Variants in SIGLEC11 observed in about 807,000 individuals in gnomAD.
The protein encoded by SIGLEC11 is sialic acid binding Ig like lectin 11, also known as sialic acid-binding Ig-like lectin 11.
A neutral mutation model predicts 61.2 loss-of-function variants in SIGLEC11; 47 were observed. The observed-to-expected ratio is 0.77, with a 90% CI of 0.61 to 0.98. The LOEUF (loss-of-function observed/expected upper bound fraction) is 0.98, where lower values mean the gene tolerates loss of function less well. Ranked by LOEUF, SIGLEC11 falls within the 50% of genes least tolerant of loss-of-function variation. The pLI, the probability that SIGLEC11 is intolerant of heterozygous loss-of-function variation, is 0.00. For missense variants in SIGLEC11, 610 were observed against 870.3 expected (o/e 0.70, Z 3.76); for synonymous variants, 278 against 373.1 (o/e 0.75, Z 2.94).
intron 8 of SIGLEC11, among the ~76,000 whole-genome samples, chr19:49,954,102 A>T (rs1310823779): frequency 6.6e-6 from 1 of 152,144 alleles, no homozygotes; most frequent in Non-Finnish European, 1.5e-5. Context: ...CACAGACAAG[A>T]CTAACCTGGA....
In SIGLEC11 at chr19:49,960,754, C is replaced by T. The variant is rs1456010305; in HGVS notation, c.258G>A (p.Val86=). ...CCTCTCGACTCTGGTTGTTAGTGGC[C>T]ACAGGAGCACCCGTCTTTGGGCTGG... ...GRTSPKTGAP[V]ATNNQSREVE... Residue 86 remains valine (V), a synonymous_variant, in exon 2 of 11, where the codon GTG becomes GTA. Transcript: ENST00000447370. 2 of 1,613,502 alleles carry T rather than the reference C, an allele frequency of 1.2e-6. No individual in the cohort carries two copies. Among genetic ancestry groups the T allele is most frequent in the Non-Finnish European group, 8.5e-7 (1 of 1,180,006 alleles).
At position 49,958,454 on chromosome 19, in the gene SIGLEC11, G is replaced by A. The variant is rs749897827; in HGVS notation, c.1480C>T (p.Leu494=). Residue 494 remains leucine, a synonymous_variant, in exon 8 of 11, where the codon CTG becomes TTG. Coordinates refer to ENST00000447370, the MANE Select transcript of SIGLEC11 (RefSeq NM_052884.3). ...GAGCCCTGACTGCTGTTCCCCTCCA[G>A]CAGCTCCTCCCCAAGCCACCAGCGC... ...SLRWWLGEEL[L]EGNSSQGSFE... The A allele has an allele frequency of 4.3e-6, 7 of 1,613,192 alleles. No homozygotes were observed. The highest frequency in any genetic ancestry group is 1.7e-5 in the Admixed American group (1 of 59,900).
At chr19:49,959,180 A>T in intron 5 of SIGLEC11, 103 bp from the exon 6 acceptor site, 1 of 1,563,016 alleles carries the variant, frequency 6.4e-7, no homozygotes, top group Admixed American at 1.8e-5. Flanking sequence ...GTGGGATAGA[A>T]GGGCAGGGCA....
At chr19:49,952,200 ACCCACTGC>A (rs2076162919) in intron 9 of SIGLEC11, 90 bp downstream of exon 9, 1 of 1,299,256 alleles carries the variant, frequency 7.7e-7, no homozygotes, top group African/African-American at 1.5e-5. Context: ...TAGTTCTCAC[ACCCACTGC>A]CCCATCTAGA....
intron 8 of SIGLEC11, 114 bp from the exon 9 acceptor site, chr19:49,952,508 T>C (rs2076165647): frequency 1.5e-6 from 1 of 664,152 alleles, no homozygotes; most frequent in African/African-American, 1.8e-5. Context: ...GGCAGAAATT[T>C]AAAAATAAAT....
intron 8 of SIGLEC11, among the ~76,000 whole-genome samples, chr19:49,957,355 C>T (rs886659037): frequency 2.0e-5 from 3 of 151,862 alleles, no homozygotes; most frequent in African/African-American, 4.8e-5. Flanking sequence ...CATTCATTCA[C>T]TCCCAAAAAA....
chr19:49,960,609 T>C lies in SIGLEC11; in HGVS notation c.403A>G (p.Arg135Gly), dbSNP rs756244414. The C allele has an allele frequency of 1.4e-5, 23 of 1,599,868 alleles. No homozygotes were observed. The highest frequency in any genetic ancestry group is 1.8e-5 in the Non-Finnish European group (21 of 1,178,948). ...AAACTATGTCTCACACGGCTTCCTC[T>C]CTCCACCCGAAAGAAGTACCATGCC... is the stretch of plus-strand genomic sequence containing the variant. ...DEAWYFFRVERGSRVRHSFLS... is the reference protein window; with the variant it reads ...DEAWYFFRVEGGSRVRHSFLS... Residue 135 changes from arginine to glycine, a missense_variant, in exon 2 of 11, where the codon AGA (arginine) becomes GGA (glycine). Transcript: ENST00000447370.
Position 49,958,651 on chromosome 19 carries a change from G to C in SIGLEC11, c.1355C>G (p.Ser452Cys). The change falls in exon 7 of 11, where the codon TCC becomes TGC. Residue 452 changes from serine (S) to cysteine (C), a missense_variant. Coordinates refer to ENST00000447370, the MANE Select transcript of SIGLEC11 (RefSeq NM_052884.3). Reference sequence around the variant, plus strand: ...CCCTTTCCCCCACTCACAGTGCACGGAGAGGCTGAGAGAGACGTGCTGGGA... The same window carrying C: ...CCCTTTCCCCCACTCACAGTGCACGCAGAGGCTGAGAGAGACGTGCTGGGA... ...LGSQHVSLSLSVHYPPQLLGP... is the reference protein window; with the variant it reads ...LGSQHVSLSLCVHYPPQLLGP... 1 of 1,596,286 alleles carries C rather than the reference G, an allele frequency of 6.3e-7. No homozygotes were observed. Among genetic ancestry groups the C allele is most frequent in the Non-Finnish European group, 8.5e-7 (1 of 1,171,516 alleles).
In SIGLEC11 at chr19:49,951,192, G is replaced by A. The variant is rs988993443; in HGVS notation, c.1830+699C>T. On this transcript the variant is annotated intron_variant, in intron 10 of 10. Coordinates refer to ENST00000447370, the MANE Select transcript of SIGLEC11 (RefSeq NM_052884.3). The surrounding 1 kb of genome is among the most constrained non-coding windows in gnomAD (Gnocchi z 4.6). ...GCGTGACCCACCCCCAGTGAACCCT[G>A]GACCCAGGTTTGGTGGAGCTTCCCA... Among the ~76,000 whole-genome samples the A allele has an allele frequency of 6.6e-6, 1 of 152,176 alleles. No individual in the cohort carries two copies. Among genetic ancestry groups the A allele is most frequent in the African/African-American group, 2.4e-5 (1 of 41,448 alleles).
chr19:49,955,694 G>A lies in SIGLEC11; in HGVS notation c.1651+2589C>T, dbSNP rs1018856683. On this transcript the variant is annotated intron_variant, in intron 8 of 10. Coordinates refer to ENST00000447370, the MANE Select transcript of SIGLEC11 (RefSeq NM_052884.3). The surrounding 1 kb of genome is among the most constrained non-coding windows in gnomAD (Gnocchi z 4.5). The stretch of plus-strand genomic sequence containing the variant: ...TCACACCTGTAATCCCAGCACTTTG[G>A]GAGGCCGAGGTGGACAGATCACAGG... Among the ~76,000 whole-genome samples the A allele has an allele frequency of 2.6e-5, 4 of 152,168 alleles. No individual in the cohort carries two copies. Among genetic ancestry groups the A allele is most frequent in the Non-Finnish European group, 5.9e-5 (4 of 68,038 alleles).
At chr19:49,953,087 C>G (rs1194407733) in intron 8 of SIGLEC11, among the ~76,000 whole-genome samples, 1 of 152,220 alleles carries the variant, frequency 6.6e-6, no homozygotes, top group Admixed American at 6.5e-5. Context: ...GGTAGGTTTA[C>G]TGCCTCCTTT....
intron 8 of SIGLEC11, 30 bp from the exon 9 acceptor site, chr19:49,952,424 C>G (rs1196184052): frequency 1.3e-6 from 2 of 1,567,700 alleles, no homozygotes; most frequent in African/African-American, 1.3e-5. Flanking sequence ...GGGGTGGTGC[C>G]CTCCTGGCCC....
chr19:49,958,247 T>G (rs1251736219), intron 8 of SIGLEC11, 36 bp downstream of exon 8: 2 of 1,604,442 alleles, frequency 1.2e-6, no homozygotes, highest in African/African-American at 2.7e-5. Context: ...CCTGTCTCCT[T>G]TCTCCCTGAA....
chr19:49,956,450 T>C (rs1049042879), intron 8 of SIGLEC11, among the ~76,000 whole-genome samples: 1 of 152,184 alleles, frequency 6.6e-6, no homozygotes, highest in African/African-American at 2.4e-5. Flanking sequence ...CTAGTCTTTG[T>C]TGGATCTGTA....
intron 8 of SIGLEC11, among the ~76,000 whole-genome samples, chr19:49,956,883 G>GA (rs57825504): frequency 3.2e-4 from 46 of 145,880 alleles, no homozygotes; most frequent in Middle Eastern, 3.5e-3. Flanking sequence ...TCCTAGCCCA[G>GA]AAAAAAAAAA....
chr19:49,952,362 C>G lies in SIGLEC11; in HGVS notation c.1684G>C (p.Gly562Arg). The change falls in exon 9 of 11, where the codon GGG becomes CGG. Residue 562 changes from glycine (G) to arginine (R), a missense_variant. Gly to Arg is a moderately radical substitution (Grantham distance 125). Transcript: ENST00000447370. ...KLEHGGGLGL[G>R]AALGAGVAAL... ...GCGACGCCAGCTCCCAGGGCAGCCCCCAGGCCAAGTCCTCCCCCATGCTCC... is the reference window on the plus strand; with the variant it reads ...GCGACGCCAGCTCCCAGGGCAGCCCGCAGGCCAAGTCCTCCCCCATGCTCC... The G allele has an allele frequency of 6.2e-7, 1 of 1,609,180 alleles. No homozygotes were observed.
intron 8 of SIGLEC11, among the ~76,000 whole-genome samples, chr19:49,956,058 C>T (rs536224644): frequency 2.6e-5 from 4 of 152,272 alleles, no homozygotes; most frequent in East Asian, 3.9e-4. Context: ...AAAACATTGT[C>T]GGCAGCCTAG....
Position 49,958,326 on chromosome 19 carries a change from G to A in SIGLEC11, c.1608C>T (p.Asn536=), listed in dbSNP as rs1187208442. The A allele has an allele frequency of 2.0e-5, 33 of 1,614,108 alleles. No homozygotes were observed. Among genetic ancestry groups the A allele is most frequent in the Non-Finnish European group, 2.6e-5 (31 of 1,180,060 alleles). Residue 536 remains asparagine (N), a synonymous_variant, in exon 8 of 11, where the codon AAC becomes AAT. Coordinates refer to ENST00000447370, the MANE Select transcript of SIGLEC11 (RefSeq NM_052884.3). ...CAGAGCCACTCTGGGCCCCGTGGAC[G>A]TTCCAGGCCTTACAGCGGAGCCTGA... ...SGLRLRCKAW[N]VHGAQSGSVF...
rs1568742131 is a variant in SIGLEC11, at chr19:49,949,879, G to C, written c.*91C>G. The C allele has an allele frequency of 7.9e-7, 1 of 1,259,240 alleles. No individual in the cohort carries two copies. The highest frequency in any genetic ancestry group is 1.0e-6 in the Non-Finnish European group (1 of 978,882). The allele number at this position is 1,259,240 out of a possible 1,614,324, so 78.0% of individuals were successfully genotyped here. Reference sequence around the variant, plus strand: ...ATCTTCAAACTCAAGCTCTTCATTGGGGATGGGGCTGAAATCTGAGTCCAG... The same window carrying C: ...ATCTTCAAACTCAAGCTCTTCATTGCGGATGGGGCTGAAATCTGAGTCCAG... On this transcript the variant is annotated 3_prime_UTR_variant, in exon 11 of 11. Transcript: ENST00000447370.
Sources: allele counts gnomAD v4.1 joint callset (sites outside exome capture counted in the v4.1 genomes callset), GRCh38; gene constraint gnomAD v4.1.1; non-coding constraint Gnocchi (gnomAD v3.1); transcripts MANE v1.5; gene names NCBI Gene and HGNC (gene_info 2026-07-23, HGNC 2026-07-21).